Variants in GBE1 observed in about 807,000 individuals in gnomAD.
GBE1 encodes the protein 1,4-alpha-glucan-branching enzyme.
In GBE1, 70 loss-of-function variants were observed where a neutral mutation model predicts 88.8. The observed-to-expected ratio is 0.79, with a 90% CI of 0.65 to 0.96. The LOEUF is 0.96. Among genes scored for constraint, GBE1 ranks in the 40% least tolerant of loss-of-function variants. The pLI is 0.00. For synonymous variants in GBE1, 284 were observed against 300.1 expected (o/e 0.95, Z 0.56); for missense variants, 872 against 871.0 (o/e 1.00, Z -0.01).
At chr3:81,682,652 G>A (rs533695502) in intron 2 of GBE1, among the ~76,000 whole-genome samples, 20 of 152,240 alleles carry the variant, frequency 1.3e-4, no homozygotes, top group African/African-American at 4.1e-4. Flanking sequence ...TATACTACTG[G>A]TGGGAAGATA....
chr3:81,543,373 C>T (rs1260431971), intron 12 of GBE1, among the ~76,000 whole-genome samples: 1 of 151,916 alleles, frequency 6.6e-6, no homozygotes, highest in Non-Finnish European at 1.5e-5. Flanking sequence ...TGACAAGGGG[C>T]AAATTAAGTT....
intron 2 of GBE1, among the ~76,000 whole-genome samples, chr3:81,700,399 C>T (rs1705669528): frequency 6.6e-6 from 1 of 151,758 alleles, no homozygotes; most frequent in Non-Finnish European, 1.5e-5. Flanking sequence ...CACTATAGAC[C>T]AATAATTATG....
intron 2 of GBE1, among the ~76,000 whole-genome samples, chr3:81,702,677 A>G (rs1705717292): frequency 6.6e-6 from 1 of 152,052 alleles, no homozygotes; most frequent in Non-Finnish European, 1.5e-5. Context: ...TATGCAATAC[A>G]TCTTTATAAA....
intron 14 of GBE1, among the ~76,000 whole-genome samples, chr3:81,533,154 G>T (rs921052463): frequency 6.6e-6 from 1 of 152,074 alleles, no homozygotes; most frequent in Admixed American, 6.6e-5. Flanking sequence ...ATTTTGGTTT[G>T]ATTATATTGC....
intron 14 of GBE1, among the ~76,000 whole-genome samples, chr3:81,501,524 G>C (rs945477632): frequency 1.3e-5 from 2 of 151,884 alleles, no homozygotes; most frequent in Non-Finnish European, 2.9e-5. Context: ...TTCTGAACCC[G>C]TTCCTAACCA....
chr3:81,712,028 G>A (rs1468952170), intron 1 of GBE1, among the ~76,000 whole-genome samples: 1 of 152,196 alleles, frequency 6.6e-6, no homozygotes, highest in East Asian at 1.9e-4. Flanking sequence ...AGACATTTAT[G>A]CAGCCAAAAG....
intron 14 of GBE1, among the ~76,000 whole-genome samples, chr3:81,527,035 G>C (rs984887003): frequency 3.8e-4 from 57 of 151,976 alleles, no homozygotes; most frequent in African/African-American, 1.4e-3. Flanking sequence ...TAGACCAATG[G>C]AACAGAACAG....
intron 7 of GBE1, among the ~76,000 whole-genome samples, chr3:81,625,150 A>C (rs1704395076): frequency 6.6e-6 from 1 of 152,004 alleles, no homozygotes; most frequent in Admixed American, 6.6e-5. Context: ...GAAGAAAAAC[A>C]CAGAAACCAA....
intron 7 of GBE1, among the ~76,000 whole-genome samples, chr3:81,620,329 C>T (rs555081776): frequency 3.1e-4 from 47 of 151,992 alleles, no homozygotes; most frequent in African/African-American, 1.1e-3. Flanking sequence ...ATTACAGGGG[C>T]CTGCCACCAC....
chr3:81,610,162 A>G (rs1207626328), intron 7 of GBE1, among the ~76,000 whole-genome samples: 2 of 152,172 alleles, frequency 1.3e-5, no homozygotes, highest in Admixed American at 6.5e-5. Context: ...TGTCTGGCCC[A>G]CTGGTTCAAA....
chr3:81,597,273 T>A (rs1428671074), intron 7 of GBE1, among the ~76,000 whole-genome samples: 3 of 151,676 alleles, frequency 2.0e-5, no homozygotes, highest in Non-Finnish European at 3.0e-5. Context: ...CACAGTTTTA[T>A]TTTGGTGCGT....
intron 12 of GBE1, among the ~76,000 whole-genome samples, chr3:81,562,624 C>G (rs1703435331): frequency 6.6e-6 from 1 of 151,964 alleles, no homozygotes; most frequent in South Asian, 2.1e-4. Flanking sequence ...CACTGCCTTG[C>G]TCTGAGTAAA....
chr3:81,726,554 T>C (rs1706114782), intron 1 of GBE1, among the ~76,000 whole-genome samples: 1 of 152,010 alleles, frequency 6.6e-6, no homozygotes, highest in East Asian at 1.9e-4. Context: ...TGGTAGTTTT[T>C]ATTTAAATAT....
At chr3:81,508,255 C>G (rs1702680525) in intron 14 of GBE1, among the ~76,000 whole-genome samples, 2 of 152,046 alleles carry the variant, frequency 1.3e-5, no homozygotes, top group South Asian at 4.1e-4. Context: ...TTTTCTGTAT[C>G]CTAGAAGATT....
chr3:81,532,828 T>C (rs1703027308), intron 14 of GBE1, among the ~76,000 whole-genome samples: 1 of 152,116 alleles, frequency 6.6e-6, no homozygotes, highest in Non-Finnish European at 1.5e-5. Context: ...AAGAATAGTC[T>C]ACGATTTCTA....
At chr3:81,740,170 A>G (rs188352273) in intron 1 of GBE1, among the ~76,000 whole-genome samples, 1 of 152,274 alleles carries the variant, frequency 6.6e-6, no homozygotes, top group East Asian at 1.9e-4. Flanking sequence ...GGCTGCAATG[A>G]GCTATGATCT....
chr3:81,557,912 A>T (rs1055584045), intron 12 of GBE1, among the ~76,000 whole-genome samples: 2 of 152,032 alleles, frequency 1.3e-5, no homozygotes, highest in Non-Finnish European at 2.9e-5. Context: ...AACTGAACCA[A>T]GAGGTCAAAG....
At chr3:81,685,273 A>G (rs1705416731) in intron 2 of GBE1, among the ~76,000 whole-genome samples, 1 of 152,024 alleles carries the variant, frequency 6.6e-6, no homozygotes, top group Non-Finnish European at 1.5e-5. Context: ...AAGTGCAGGC[A>G]CCTTTACCTC....
At chr3:81,659,328 CT>C (rs1380071805) in intron 3 of GBE1, among the ~76,000 whole-genome samples, 9 of 151,130 alleles carry the variant, frequency 6.0e-5, no homozygotes, top group Non-Finnish European at 1.0e-4. Flanking sequence ...AGCAATCATT[CT>C]TTTTTTATTT....
Sources: allele counts gnomAD v4.1 joint callset (sites outside exome capture counted in the v4.1 genomes callset), GRCh38; gene constraint gnomAD v4.1.1; transcripts MANE v1.5; gene names NCBI Gene and HGNC (gene_info 2026-07-23, HGNC 2026-07-21).